Variants in PUS1 observed in about 807,000 individuals in gnomAD.
The protein encoded by PUS1 is pseudouridylate synthase 1 homolog.
PUS1 carries 25 observed loss-of-function variants against 38.5 expected under a neutral mutation model. The ratio of observed to expected loss-of-function variants is 0.65; its 90% CI spans 0.47 to 0.91. The LOEUF is 0.91. PUS1 is among the 40% of genes least tolerant of loss of function. The pLI, the probability that PUS1 is intolerant of heterozygous loss-of-function variation, is 0.00. For missense variants in PUS1, 597 were observed against 612.3 expected (o/e 0.97, Z 0.26); for synonymous variants, 282 against 260.4 (o/e 1.08, Z -0.80).
rs900700304 is a variant in PUS1 at position 131,940,904 on chromosome 12, T to C, written c.545-388T>C. The C allele has an allele frequency of 1.2e-4, 26 of 223,038 alleles. 1 individual carries two copies. The highest frequency in any genetic ancestry group is 5.6e-4 in the African/African-American group (25 of 44,894). 13.8% of individuals were successfully genotyped at this position (223,038 alleles called of 1,614,324 possible). ...ATTATTTTAAATTCACACATAATTATACATACTTATGTAGAATTATGTGTG... is the reference window on the plus strand; with the variant it reads ...ATTATTTTAAATTCACACATAATTACACATACTTATGTAGAATTATGTGTG... On this transcript the variant is annotated intron_variant, in intron 4 of 5. Coordinates refer to ENST00000376649, the MANE Select transcript of PUS1 (RefSeq NM_025215.6).
At chr12:131,932,145 A>T in intron 2 of PUS1, 30 bp from the exon 3 acceptor site, 1 of 1,610,448 alleles carries the variant, frequency 6.2e-7, no homozygotes, top group South Asian at 1.1e-5. Flanking sequence ...TCTGCAAAAT[A>T]TAAAATCTGT....
rs1245996733 is a variant in PUS1, at chr12:131,929,720, C to T, written c.-3C>T. ...CGGGGTCGGGTGCACTGGTAGCCTG[C>T]GCATGGGCCTCCAGCTTCGCGCGCT... is the stretch of plus-strand genomic sequence containing the variant. On this transcript the variant is annotated 5_prime_UTR_variant, in exon 1 of 6. Transcript: ENST00000376649. 6.3e-6 allele frequency: 10 copies of T among 1,586,744 alleles called. No homozygotes were observed. Among genetic ancestry groups the T allele is most frequent in the East Asian group, 2.3e-5 (1 of 43,414 alleles).
chr12:131,938,321 T>TACTTG (rs1890919780), intron 3 of PUS1, among the ~76,000 whole-genome samples: 1 of 152,110 alleles, frequency 6.6e-6, no homozygotes, highest in African/African-American at 2.4e-5. Context: ...GGTGCCTGTC[T>TACTTG]GTAGTCTCAG....
chr12:131,941,890 G>A lies in PUS1; in HGVS notation c.1143G>A (p.Glu381=). The A allele has an allele frequency of 6.2e-7, 1 of 1,613,590 alleles. No homozygotes were observed. The highest frequency in any genetic ancestry group is 1.1e-5 in the South Asian group (1 of 91,088). Residue 381 remains glutamate, a synonymous_variant, in exon 5 of 6, where the codon GAG becomes GAA. Coordinates refer to ENST00000376649, the MANE Select transcript of PUS1 (RefSeq NM_025215.6). The surrounding 1 kb of genome is among the most constrained non-coding windows in gnomAD (Gnocchi z 4.4). ...EHIYPTIIGT[E]RDERSMAQWL... ...TCTACCCCACCATCATCGGCACCGA[G>A]CGGGACGAACGCTCCATGGCCCAGT...
intron 2 of PUS1, among the ~76,000 whole-genome samples, chr12:131,930,563 C>T (rs1461068751): frequency 2.0e-5 from 3 of 152,196 alleles, no homozygotes; most frequent in Non-Finnish European, 4.4e-5. Flanking sequence ...TGTGAGGATT[C>T]TCTCCTCAGC....
chr12:131,940,269 A>C (rs1263135406), intron 4 of PUS1, among the ~76,000 whole-genome samples: 1 of 152,102 alleles, frequency 6.6e-6, no homozygotes, highest in Non-Finnish European at 1.5e-5. Context: ...AGGCTCAATC[A>C]GTTTACCTGC....
At chr12:131,931,075 GTC>G (rs1450943020) in intron 2 of PUS1, among the ~76,000 whole-genome samples, 1 of 152,210 alleles carries the variant, frequency 6.6e-6, no homozygotes, top group Non-Finnish European at 1.5e-5. Flanking sequence ...TGCGTGCAGT[GTC>G]TGACTGAAAC....
chr12:131,929,590 A>G lies in PUS1; in HGVS notation c.-133A>G. On this transcript the variant is annotated 5_prime_UTR_variant, in exon 1 of 6. Coordinates refer to ENST00000376649, the MANE Select transcript of PUS1 (RefSeq NM_025215.6). ...AGGGGCTGGGGCGCCGGTTTCCCGGAGGTCAGGGGTCAGAAGGAACAGGGC... is the reference window on the plus strand; with the variant it reads ...AGGGGCTGGGGCGCCGGTTTCCCGGGGGTCAGGGGTCAGAAGGAACAGGGC... 1.4e-6 allele frequency: 1 copy of G among 727,008 alleles called. No homozygotes were observed. Among genetic ancestry groups the G allele is most frequent in the Non-Finnish European group, 2.0e-6 (1 of 488,620 alleles). The allele number at this position is 727,008 out of a possible 1,614,324, so 45.0% of individuals were successfully genotyped here. A position where few individuals can be genotyped will look rare whatever the true frequency, so the allele number is the denominator to read the frequency against.
chr12:131,929,844 C>T (rs777667970), intron 1 of PUS1, 48 bp downstream of exon 1: 1 of 1,504,332 alleles, frequency 6.6e-7, no homozygotes. Context: ...CCCAGCCCAG[C>T]CCACCCCAGT....
chr12:131,930,860 G>A (rs758564307), intron 2 of PUS1, among the ~76,000 whole-genome samples: 4 of 151,922 alleles, frequency 2.6e-5, no homozygotes, highest in African/African-American at 7.3e-5. Flanking sequence ...ATGGGGTCTC[G>A]CTGTGTTGCC....
chr12:131,930,681 G>T (rs1890562695), intron 2 of PUS1, among the ~76,000 whole-genome samples: 1 of 152,058 alleles, frequency 6.6e-6, no homozygotes, highest in African/African-American at 2.4e-5. Flanking sequence ...GAATGCAGTG[G>T]TGCATCCACA....
chr12:131,929,718 T>C lies in PUS1; in HGVS notation c.-5T>C. 1.3e-6 allele frequency: 2 copies of C among 1,585,520 alleles called. No homozygotes were observed. The highest frequency in any genetic ancestry group is 1.7e-6 in the Non-Finnish European group (2 of 1,173,116). The stretch of plus-strand genomic sequence containing the variant: ...GGCGGGGTCGGGTGCACTGGTAGCC[T>C]GCGCATGGGCCTCCAGCTTCGCGCG... On this transcript the variant is annotated 5_prime_UTR_variant, in exon 1 of 6. Transcript: ENST00000376649.
intron 2 of PUS1, chr12:131,931,581 G>C (rs1307995985): frequency 6.5e-6 from 1 of 154,140 alleles, no homozygotes; most frequent in Non-Finnish European, 1.4e-5. Context: ...TTGAGACAGA[G>C]TTTTCCTCTG....
Position 131,941,256 on chromosome 12 carries a change from ACCTG to A in PUS1, c.545-32_545-29del, listed in dbSNP as rs1235716863. 6.3e-7 allele frequency: 1 copy of A among 1,590,842 alleles called. No individual in the cohort carries two copies. The highest frequency in any genetic ancestry group is 1.1e-5 in the South Asian group (1 of 90,402). ...CTCCCTGGTCATCCAGGCACTTCTCACCTGCCTTTCTCCTCCCTGACCACCTCCC... is the reference window on the plus strand; with the variant it reads ...CTCCCTGGTCATCCAGGCACTTCTCACCTTTCTCCTCCCTGACCACCTCCC... On this transcript the variant is annotated intron_variant, in intron 4 of 5. Transcript: ENST00000376649. The surrounding 1 kb of genome is among the most constrained non-coding windows in gnomAD (Gnocchi z 4.4).
Position 131,941,412 on chromosome 12 carries a change from A to G in PUS1, c.665A>G (p.Tyr222Cys). 1 of 1,614,158 alleles carries G rather than the reference A, an allele frequency of 6.2e-7. No individual in the cohort carries two copies. Among genetic ancestry groups the G allele is most frequent in the Non-Finnish European group, 8.5e-7 (1 of 1,180,022 alleles). ...GACCGGGACGTTCAGGATGAGACCT[A>G]CCGCCTGAGCGCCGAGACGCTGCAG... Reference protein sequence around the residue: ...HKDRDVQDETYRLSAETLQQV... With the variant: ...HKDRDVQDETCRLSAETLQQV... Residue 222 changes from tyrosine to cysteine, a missense_variant, in exon 5 of 6, where the codon TAC (tyrosine) becomes TGC (cysteine). By Grantham distance (194) the Tyr-to-Cys change is radical (BLOSUM62 -2). Transcript: ENST00000376649. The surrounding 1 kb of genome is among the most constrained non-coding windows in gnomAD (Gnocchi z 4.4).
chr12:131,932,865 T>C (rs111593623), intron 3 of PUS1: 11 of 449,538 alleles, frequency 2.4e-5, no homozygotes, highest in African/African-American at 2.0e-5. Context: ...CACACTGTTA[T>C]AAAGAACTGC....
At chr12:131,936,384 G>A (rs571659967) in intron 3 of PUS1, among the ~76,000 whole-genome samples, 151 of 149,770 alleles carry the variant, frequency 1.0e-3, no homozygotes, top group Non-Finnish European at 1.7e-3. Flanking sequence ...TCAATATGGC[G>A]AAACCCCGTC....
intron 4 of PUS1, chr12:131,940,981 C>T: frequency 2.5e-6 from 1 of 408,102 alleles, no homozygotes; most frequent in Non-Finnish European, 4.5e-6. Flanking sequence ...ATAATATATC[C>T]ATCACTCCAA....
At chr12:131,933,716 A>G (rs562586854) in intron 3 of PUS1, among the ~76,000 whole-genome samples, 4 of 152,216 alleles carry the variant, frequency 2.6e-5, no homozygotes, top group Non-Finnish European at 4.4e-5. Flanking sequence ...GGGAATGGGG[A>G]TGTCTCTAAG....
Sources: allele counts gnomAD v4.1 joint callset (sites outside exome capture counted in the v4.1 genomes callset), GRCh38; gene constraint gnomAD v4.1.1; non-coding constraint Gnocchi (gnomAD v3.1); transcripts MANE v1.5; gene names NCBI Gene and HGNC (gene_info 2026-07-23, HGNC 2026-07-21).